Variants in SLC11A1 observed in about 807,000 individuals in gnomAD.
SLC11A1 encodes the protein natural resistance-associated macrophage protein 1.
A neutral mutation model predicts 63.2 loss-of-function variants in SLC11A1; 59 were observed. The observed-to-expected ratio is 0.93, with a 90% CI of 0.76 to 1.16. The LOEUF (loss-of-function observed/expected upper bound fraction) is 1.16. Ranked by LOEUF, SLC11A1 falls within the 50% of genes most tolerant of loss-of-function variation. SLC11A1 has a pLI of 0.00. For synonymous variants in SLC11A1, 305 were observed against 307.8 expected, an observed-to-expected ratio of 0.99 and a Z score of 0.09; for missense variants, 688 against 730.7, an observed-to-expected ratio of 0.94 and a Z score of 0.67.
At chr2:218,393,380 C>G (rs775269353) in intron 12 of SLC11A1, among the ~76,000 whole-genome samples, 14 of 146,886 alleles carry the variant, frequency 9.5e-5, no homozygotes, top group Non-Finnish European at 1.6e-4. Flanking sequence ...TCAATCATGG[C>G]TCACTGCAGC....
intron 1 of SLC11A1, 87 bp from the exon 2 acceptor site, chr2:218,382,873 G>A: frequency 6.4e-7 from 1 of 1,555,666 alleles, no homozygotes; most frequent in Non-Finnish European, 8.8e-7. Flanking sequence ...CACTTTTCCG[G>A]GAGGAGGAGG....
Position 218,394,705 on chromosome 2 carries a change from C to G in SLC11A1, c.1462C>G (p.Leu488Val), listed in dbSNP as rs755226536. 1 of 1,614,062 alleles carries G rather than the reference C, an allele frequency of 6.2e-7. No individual in the cohort carries two copies. The highest frequency in any genetic ancestry group is 1.1e-5 in the South Asian group (1 of 91,092). The change falls in exon 14 of 15, where the codon CTG becomes GTG. Residue 488 changes from leucine (L) to valine (V), a missense_variant. Transcript: ENST00000233202. ...CAACCTCTACTTCGTGGTCAGCTAT[C>G]TGCCCAGCCTGCCCCACCCTGCCTA... ...AINLYFVVSY[L>V]PSLPHPAYFG...
intron 11 of SLC11A1, chr2:218,392,717 A>G (rs1372284282): frequency 2.5e-6 from 1 of 407,460 alleles, no homozygotes; most frequent in African/African-American, 2.1e-5. Context: ...AGATGAGGTG[A>G]CTTGCTGGAA....
chr2:218,382,473 C>A, intron 1 of SLC11A1, 98 bp downstream of exon 1: 2 of 1,391,968 alleles, frequency 1.4e-6, no homozygotes, highest in South Asian at 1.2e-5. Flanking sequence ...AGCCCTTGGT[C>A]CCCTGTGGAA....
intron 12 of SLC11A1, among the ~76,000 whole-genome samples, 196 bp downstream of exon 12, chr2:218,393,326 C>T (rs1202951521): frequency 6.6e-6 from 1 of 150,588 alleles, no homozygotes; most frequent in African/African-American, 2.4e-5. Context: ...CCCTCCCACC[C>T]CCCAGATGGT....
At chr2:218,389,342 G>A (rs1375453973) in intron 8 of SLC11A1, among the ~76,000 whole-genome samples, 3 of 152,058 alleles carry the variant, frequency 2.0e-5, no homozygotes, top group Non-Finnish European at 4.4e-5. Context: ...ACAGGAGAAT[G>A]CTTGAGCCCA....
intron 2 of SLC11A1, chr2:218,383,574 A>G (rs1034833073): frequency 2.6e-5 from 4 of 152,116 alleles, no homozygotes; most frequent in Non-Finnish European, 5.8e-5. Context: ...CCGCTTCCCA[A>G]GTTTAAGCGA....
Position 218,383,095 on chromosome 2 carries a change from C to T in SLC11A1, c.143C>T (p.Thr48Ile), listed in dbSNP as rs781188999. 5 of 1,613,706 alleles carry T rather than the reference C, an allele frequency of 3.1e-6. No homozygotes were observed. The highest frequency in any genetic ancestry group is 4.2e-6 in the Non-Finnish European group (5 of 1,179,854). ...AGTGAGAAGATCCCCATCCCAGACA[C>T]AAAACCGGTGGGATGCTGGAAACTT... The part of the protein sequence containing the change: ...YLSEKIPIPD[T>I]KPGTFSLRKL... The change falls in exon 2 of 15, where the codon ACA becomes ATA. Residue 48 changes from threonine (T) to isoleucine (I), a missense_variant. Coordinates refer to ENST00000233202, the MANE Select transcript of SLC11A1 (RefSeq NM_000578.4).
At chr2:218,393,239 A>G (rs1696560341) in intron 12 of SLC11A1, 109 bp downstream of exon 12, 3 of 1,165,132 alleles carry the variant, frequency 2.6e-6, no homozygotes, top group Non-Finnish European at 3.4e-6. Flanking sequence ...TCCCAGGCAC[A>G]TCTTGCCTAC....
At position 218,383,074 on chromosome 2, in the gene SLC11A1, A is replaced by C; in HGVS notation, c.122A>C (p.Glu41Ala). 6.2e-7 allele frequency: 1 copy of C among 1,613,946 alleles called. No individual in the cohort carries two copies. The highest frequency in any genetic ancestry group is 1.1e-5 in the South Asian group (1 of 91,070). Residue 41 changes from glutamate (E) to alanine (A), a missense_variant, in exon 2 of 15, where the codon GAG (glutamate) becomes GCG (alanine). Transcript: ENST00000233202. Reference sequence around the variant, plus strand: ...CCTCCCAGAGAGACCTACCTGAGTGAGAAGATCCCCATCCCAGACACAAAA... The same window carrying C: ...CCTCCCAGAGAGACCTACCTGAGTGCGAAGATCCCCATCCCAGACACAAAA... ...QAPPRETYLS[E>A]KIPIPDTKPG... is the part of the protein sequence containing the mutation.
At position 218,391,509 on chromosome 2, in the gene SLC11A1, C is replaced by T. The variant is rs543441291; in HGVS notation, c.1164+14C>T. On this transcript the variant is annotated intron_variant, in intron 11 of 14. Coordinates refer to ENST00000233202, the MANE Select transcript of SLC11A1 (RefSeq NM_000578.4). ...TTCGTGATGGAGGTAGGGCAGGGGG[C>T]GGGCCCAGGAGGGCAAGGGGTCCAA... is the stretch of plus-strand genomic sequence containing the variant. 5.7e-6 allele frequency: 9 copies of T among 1,570,996 alleles called. No individual in the cohort carries two copies. The highest frequency in any genetic ancestry group is 4.1e-5 in the African/African-American group (3 of 74,002).
rs144481462 is a variant in SLC11A1 at position 218,394,948 on chromosome 2, C to T, written c.1566C>T (p.His522=). Residue 522 remains histidine, a synonymous_variant, in exon 15 of 15, where the codon CAC becomes CAT. Transcript: ENST00000233202. ...TYLVWTCCLA[H]GATFLAHSSH... is the part of the protein sequence containing the mutation. ...AGGTCTGGACCTGTTGCCTTGCCCA[C>T]GGAGCCACCTTTCTGGCCCACAGCT... The T allele has an allele frequency of 6.2e-6, 10 of 1,613,106 alleles. No individual in the cohort carries two copies. The African/African-American group carries it at 1.2e-4, about 19-fold the overall frequency.
chr2:218,385,430 G>A (rs765465808), intron 4 of SLC11A1, 164 bp downstream of exon 4: 33 of 968,936 alleles, frequency 3.4e-5, no homozygotes, highest in Admixed American at 1.4e-4. Flanking sequence ...TCGCTCCGTC[G>A]CCCAGTCAGG....
At position 218,384,888 on chromosome 2, in the gene SLC11A1, AATTT is replaced by A; in HGVS notation, c.274-245_274-242del. On this transcript the variant is annotated intron_variant, in intron 3 of 14. Coordinates refer to ENST00000233202, the MANE Select transcript of SLC11A1 (RefSeq NM_000578.4). This position sits in a 1 kb window ranked among gnomAD's most constrained non-coding sequence, Gnocchi z 4.0. Reference sequence around the variant, plus strand: ...AGGTGTGAGCCACCTTGCCTGGCGTAATTTATTTATTTATTTAGAGATGGGGGTC... The same window carrying A: ...AGGTGTGAGCCACCTTGCCTGGCGTAATTTATTTATTTAGAGATGGGGGTC... 1.5e-4 allele frequency: 62 copies of A among 400,858 alleles called. No individual in the cohort carries two copies. Among genetic ancestry groups the A allele is most frequent in the East Asian group, 2.9e-4 (5 of 17,346 alleles). 24.8% of individuals were successfully genotyped at this position (400,858 alleles called of 1,614,324 possible).
intron 6 of SLC11A1, 57 bp downstream of exon 6, chr2:218,387,287 A>AT: frequency 6.6e-7 from 1 of 1,506,678 alleles, no homozygotes; most frequent in Non-Finnish European, 9.1e-7. Flanking sequence ...CTGTACTGGG[A>AT]GAAGGGCTCT....
chr2:218,385,301 G>C, intron 4 of SLC11A1, 35 bp downstream of exon 4: 1 of 1,613,392 alleles, frequency 6.2e-7, no homozygotes, highest in Non-Finnish European at 8.5e-7. Flanking sequence ...GAGAACCACT[G>C]GCCCCAAACC....
rs1175374131 is a variant in SLC11A1 at position 218,382,902 on chromosome 2, T to A, written c.8-58T>A. ...GAGGAGGGAAAGGATCAGGCGGCTT[T>A]AACTCTGGGCCACCAGAAAGAGGCA... On this transcript the variant is annotated intron_variant, in intron 1 of 14. Transcript: ENST00000233202. The A allele has an allele frequency of 1.9e-6, 3 of 1,609,800 alleles. No individual in the cohort carries two copies. In the African/African-American group the frequency reaches 4.0e-5, roughly 22 times the overall value.
At chr2:218,387,058 C>A in intron 5 of SLC11A1, 102 bp from the exon 6 acceptor site, 2 of 1,084,628 alleles carry the variant, frequency 1.8e-6, no homozygotes, top group Non-Finnish European at 2.9e-6. Flanking sequence ...CGCTTAGGGT[C>A]CTGCTCCCAG....
rs1696728729 is a variant in SLC11A1 at position 218,395,888 on chromosome 2, C to T, written c.*853C>T. 6.6e-6 allele frequency: 1 copy of T among 152,464 alleles called. No homozygotes were observed. Among genetic ancestry groups the T allele is most frequent in the Non-Finnish European group, 1.5e-5 (1 of 68,110 alleles). The allele number at this position is 152,464 out of a possible 1,614,324, so 9.4% of individuals were successfully genotyped here. Reference sequence around the variant, plus strand: ...CTGGTCCGCTCCTATTCGCCGCAGCCTTTCTGTTCCGCCTGCAACCCATTT... The same window carrying T: ...CTGGTCCGCTCCTATTCGCCGCAGCTTTTCTGTTCCGCCTGCAACCCATTT... On this transcript the variant is annotated 3_prime_UTR_variant, in exon 15 of 15. Transcript: ENST00000233202.
Sources: allele counts gnomAD v4.1 joint callset (sites outside exome capture counted in the v4.1 genomes callset), GRCh38; gene constraint gnomAD v4.1.1; non-coding constraint Gnocchi (gnomAD v3.1); transcripts MANE v1.5; gene names NCBI Gene and HGNC (gene_info 2026-07-23, HGNC 2026-07-21).